RAB6B: variants seen among roughly 807,000 people sequenced by gnomAD.
RAB6B encodes the protein RAB6B, member RAS oncogene family.
In RAB6B, 7 loss-of-function variants were observed where a neutral mutation model predicts 31.2. The ratio of observed to expected loss-of-function variants is 0.22; its 90% CI spans 0.13 to 0.42. The LOEUF is 0.42. Among genes scored for constraint, RAB6B ranks in the 10% least tolerant of loss-of-function variants. RAB6B has a pLI of 1.00. For synonymous variants in RAB6B, 105 were observed against 104.9 expected, an observed-to-expected ratio of 1.00 and a Z score of -0.01; for missense variants, 149 against 280.6, an observed-to-expected ratio of 0.53 and a Z score of 3.35.
At chr3:133,853,276 T>G (rs1303063006) in intron 2 of RAB6B, among the ~76,000 whole-genome samples, 2 of 152,054 alleles carry the variant, frequency 1.3e-5, no homozygotes, top group African/African-American at 4.8e-5. Flanking sequence ...GGGATACACA[T>G]GTGTATGTAA....
At chr3:133,888,471 G>A (rs1936585416) in intron 1 of RAB6B, among the ~76,000 whole-genome samples, 1 of 152,176 alleles carries the variant, frequency 6.6e-6, no homozygotes, top group Non-Finnish European at 1.5e-5. Context: ...CCTCAGGGGT[G>A]AGGTAACATC....
intron 2 of RAB6B, among the ~76,000 whole-genome samples, chr3:133,863,690 CT>C (rs1427231852): frequency 2.6e-5 from 4 of 152,142 alleles, no homozygotes; most frequent in Non-Finnish European, 5.9e-5. Context: ...CCACCACCCC[CT>C]ACCTCAACTT....
chr3:133,862,415 T>G (rs993820695), intron 2 of RAB6B, among the ~76,000 whole-genome samples: 1 of 152,180 alleles, frequency 6.6e-6, no homozygotes, highest in Non-Finnish European at 1.5e-5. Context: ...CAGGAGCTAC[T>G]GCACAGTTGA....
rs1012593718 is a variant in RAB6B at position 133,828,106 on chromosome 3, T to C, written c.*682A>G. 19 of 638,322 alleles carry C rather than the reference T, an allele frequency of 3.0e-5. No homozygotes were observed. Among genetic ancestry groups the C allele is most frequent in the African/African-American group, 5.4e-5 (3 of 55,788 alleles). The allele number at this position is 638,322 out of a possible 1,614,324, so 39.5% of individuals were successfully genotyped here. Reference sequence around the variant, plus strand: ...GAAAGAGAAGGAGAGGTGGGAGCAGTTCCTCTGGGGGCTGCTGCCGGGCTG... The same window carrying C: ...GAAAGAGAAGGAGAGGTGGGAGCAGCTCCTCTGGGGGCTGCTGCCGGGCTG... On this transcript the variant is annotated 3_prime_UTR_variant, in exon 8 of 8. Transcript: ENST00000285208.
chr3:133,831,926 A>T (rs538929134), intron 7 of RAB6B, among the ~76,000 whole-genome samples: 1 of 152,194 alleles, frequency 6.6e-6, no homozygotes, highest in South Asian at 2.1e-4. Context: ...ACTGCAGCAC[A>T]ATCCTGTCTG....
intron 7 of RAB6B, among the ~76,000 whole-genome samples, chr3:133,830,612 A>C (rs73861226): frequency 0.014 from 2,120 of 152,198 alleles, 52 homozygotes; most frequent in African/African-American, 0.048. Context: ...GGGTGCACGC[A>C]TTAGTGGCCT....
intron 2 of RAB6B, among the ~76,000 whole-genome samples, chr3:133,842,001 G>A (rs1177634394): frequency 1.3e-5 from 2 of 152,142 alleles, no homozygotes; most frequent in Non-Finnish European, 2.9e-5. Flanking sequence ...CTCCCCACCT[G>A]GACTCCCTGC....
intron 7 of RAB6B, among the ~76,000 whole-genome samples, chr3:133,831,543 C>A (rs982637273): frequency 6.6e-6 from 1 of 152,238 alleles, no homozygotes; most frequent in East Asian, 1.9e-4. Flanking sequence ...AGGAGCCTTC[C>A]CAAAGGCTCT....
chr3:133,834,693 G>C (rs773789813), intron 6 of RAB6B, 52 bp from the exon 7 acceptor site: 1 of 1,511,642 alleles, frequency 6.6e-7, no homozygotes, highest in Middle Eastern at 1.8e-4. Flanking sequence ...CCTCCCCTCT[G>C]CTCCTCACTG....
rs1203568908 is a variant in RAB6B at position 133,841,535 on chromosome 3, C to T, written c.183+75G>A. 1.4e-5 allele frequency: 22 copies of T among 1,565,964 alleles called. No homozygotes were observed. The East Asian group carries it at 4.5e-4, about 32-fold the overall frequency. On this transcript the variant is annotated intron_variant, in intron 3 of 7. Transcript: ENST00000285208. ...GTGTCGGCAGGTGCTCTCAGTGGTGCCCAGCTAAGGGTCCTAGGGGATAAG... is the reference window on the plus strand; with the variant it reads ...GTGTCGGCAGGTGCTCTCAGTGGTGTCCAGCTAAGGGTCCTAGGGGATAAG...
chr3:133,830,610 G>C (rs111672399), intron 7 of RAB6B, among the ~76,000 whole-genome samples: 247 of 152,162 alleles, frequency 1.6e-3, no homozygotes, highest in African/African-American at 5.7e-3. Flanking sequence ...CAGGGTGCAC[G>C]CATTAGTGGC....
intron 5 of RAB6B, 34 bp downstream of exon 5, chr3:133,839,472 G>C: frequency 6.5e-7 from 1 of 1,529,286 alleles, no homozygotes; most frequent in Non-Finnish European, 9.1e-7. Flanking sequence ...GGAGTGGAGG[G>C]TGGCACCCTG....
intron 1 of RAB6B, among the ~76,000 whole-genome samples, chr3:133,870,493 G>A (rs1936304090): frequency 6.6e-6 from 1 of 152,186 alleles, no homozygotes; most frequent in Non-Finnish European, 1.5e-5. Context: ...AGGTGGTGGG[G>A]CTGGAGAGAA....
intron 1 of RAB6B, among the ~76,000 whole-genome samples, chr3:133,874,958 G>A (rs913207448): frequency 2.0e-5 from 3 of 152,120 alleles, no homozygotes; most frequent in Non-Finnish European, 4.4e-5. Context: ...CACACACGGC[G>A]CTGTCATTTC....
At position 133,888,617 on chromosome 3, in the gene RAB6B, T is replaced by C. The variant is rs373517973; in HGVS notation, c.70+6780A>G. Among the ~76,000 whole-genome samples, 50 of 152,324 alleles carry C rather than the reference T, an allele frequency of 3.3e-4. 1 individual carries two copies. Among genetic ancestry groups the C allele is most frequent in the African/African-American group, 1.1e-3 (47 of 41,568 alleles). ...CCAAGAGATCAGAATAAATAAGTTT[T>C]TCTACAAAAAATAAATCACTTTATT... On this transcript the variant is annotated intron_variant, in intron 1 of 7. Coordinates refer to ENST00000285208, the MANE Select transcript of RAB6B (RefSeq NM_016577.4).
chr3:133,876,946 G>A (rs1319809295), intron 1 of RAB6B, among the ~76,000 whole-genome samples: 2 of 152,022 alleles, frequency 1.3e-5, no homozygotes, highest in Non-Finnish European at 2.9e-5. Context: ...TCAAAATGGA[G>A]TAACAGGGAC....
chr3:133,889,414 A>T (rs1180821551), intron 1 of RAB6B, among the ~76,000 whole-genome samples: 22 of 55,564 alleles, frequency 4.0e-4, no homozygotes, highest in African/African-American at 8.6e-4. Flanking sequence ...ATATATATAT[A>T]TATATATATA....
chr3:133,833,878 T>C (rs2107986805), intron 7 of RAB6B, among the ~76,000 whole-genome samples: 1 of 152,328 alleles, frequency 6.6e-6, no homozygotes, highest in Non-Finnish European at 1.5e-5. Flanking sequence ...ACAGTTTTCA[T>C]CTGATTCTCT....
At chr3:133,871,188 C>A (rs150692382) in intron 1 of RAB6B, among the ~76,000 whole-genome samples, 4 of 152,268 alleles carry the variant, frequency 2.6e-5, no homozygotes, top group African/African-American at 9.6e-5. Context: ...AGTGACAAAG[C>A]AGATGCACCT....
Sources: allele counts gnomAD v4.1 joint callset (sites outside exome capture counted in the v4.1 genomes callset), GRCh38; gene constraint gnomAD v4.1.1; transcripts MANE v1.5; gene names NCBI Gene and HGNC (gene_info 2026-07-23, HGNC 2026-07-21).